Variants in PBLD observed in about 807,000 individuals in gnomAD.
PBLD encodes the protein phenazine biosynthesis like protein domain containing.
A neutral mutation model predicts 31.3 loss-of-function variants in PBLD; 26 were observed. The ratio of observed to expected loss-of-function variants is 0.83; its 90% CI spans 0.61 to 1.15. The LOEUF (loss-of-function observed/expected upper bound fraction) is 1.15. Ranked by LOEUF, PBLD falls within the 50% of genes most tolerant of loss-of-function variation. The probability of loss-of-function intolerance (pLI) is 0.00; values close to 1 mark genes in which losing one functional copy is unlikely to be tolerated. For synonymous variants in PBLD, 114 were observed against 129.0 expected, an observed-to-expected ratio of 0.88 and a Z score of 0.79; for missense variants, 307 against 351.7, an observed-to-expected ratio of 0.87 and a Z score of 1.02.
intron 2 of PBLD, among the ~76,000 whole-genome samples, chr10:68,300,379 G>A (rs958793659): frequency 6.6e-6 from 1 of 152,184 alleles, no homozygotes; most frequent in African/African-American, 2.4e-5. Flanking sequence ...CCTGTAACAT[G>A]CTACAGACAG....
chr10:68,304,230 T>C (rs1450266782), intron 2 of PBLD, among the ~76,000 whole-genome samples: 1 of 152,210 alleles, frequency 6.6e-6, no homozygotes, highest in African/African-American at 2.4e-5. Context: ...GGAAAAGTGC[T>C]ATCTTCGCCT....
rs375720476 is a variant in PBLD, at chr10:68,288,658, C to A, written c.516G>T (p.Ser172=). The change falls in exon 8 of 10, where the codon TCG becomes TCT. Residue 172 remains serine, a synonymous_variant. Transcript: ENST00000358769. ...TGTTCACTTTCAGGTTCTCCAGAAA[C>A]GACCTTGTTCATAAACAAGATGGAT... The part of the protein sequence containing the change: ...LVRLSDVYNR[S]FLENLKVNTE... 6.2e-7 allele frequency: 1 copy of A among 1,613,570 alleles called. No individual in the cohort carries two copies. Among genetic ancestry groups the A allele is most frequent in the East Asian group, 2.2e-5 (1 of 44,888 alleles).
intron 1 of PBLD, among the ~76,000 whole-genome samples, chr10:68,327,611 T>C (rs1455319043): frequency 6.7e-6 from 1 of 148,166 alleles, no homozygotes; most frequent in Non-Finnish European, 1.5e-5. Context: ...GAGCCAGAGG[T>C]TGCAGGGAAC....
chr10:68,302,668 C>T (rs1046501753), intron 2 of PBLD, among the ~76,000 whole-genome samples: 56 of 151,974 alleles, frequency 3.7e-4, no homozygotes, highest in African/African-American at 1.3e-3. Context: ...CATAGCAAGA[C>T]CCTGTCTCTA....
At chr10:68,319,099 GAAAGAAAGA>G in intron 1 of PBLD, among the ~76,000 whole-genome samples, 1 of 125,324 alleles carries the variant, frequency 8.0e-6, no homozygotes, top group African/African-American at 3.4e-5. Flanking sequence ...AAGAAAGAAA[GAAAGAAAGA>G]AAGGAAAAAG....
rs560033985 is a variant in PBLD at position 68,316,962 on chromosome 10, G to A, written c.-59-10059C>T. Reference sequence around the variant, plus strand: ...CCGGAGATGGAGGTTGCAGTGAGCTGAGATCATGCCACTGCACTCCAGCTT... The same window carrying A: ...CCGGAGATGGAGGTTGCAGTGAGCTAAGATCATGCCACTGCACTCCAGCTT... On this transcript the variant is annotated intron_variant, in intron 1 of 9. Transcript: ENST00000358769. 1.2e-4 allele frequency among the ~76,000 whole-genome samples: 19 copies of A among 152,284 alleles called. 1 individual carries two copies. In the East Asian group the frequency reaches 3.5e-3, roughly 28 times the overall value.
In PBLD at chr10:68,332,863, T is replaced by C. The variant is rs2045267434; in HGVS notation, c.-139A>G. On this transcript the variant is annotated 5_prime_UTR_variant, in exon 1 of 10. Coordinates refer to ENST00000358769, the MANE Select transcript of PBLD (RefSeq NM_022129.4). The stretch of plus-strand genomic sequence containing the variant: ...GCTGGAGCTGGGGGAGGAAAGCCAA[T>C]GGCGACGAAGGTGCTCAACTCCCAA... The C allele has an allele frequency of 6.6e-6, 1 of 152,310 alleles. No homozygotes were observed. Among genetic ancestry groups the C allele is most frequent in the Admixed American group, 6.5e-5 (1 of 15,284 alleles). 9.4% of individuals were successfully genotyped at this position (152,310 alleles called of 1,614,324 possible). A position where few individuals can be genotyped will look rare whatever the true frequency, so the allele number is the denominator to read the frequency against.
chr10:68,311,779 C>T (rs1357957514), intron 1 of PBLD, among the ~76,000 whole-genome samples: 1 of 145,142 alleles, frequency 6.9e-6, no homozygotes, highest in Admixed American at 6.9e-5. Flanking sequence ...AAAAGAATAA[C>T]TGATAGAAAG....
chr10:68,313,164 T>C (rs1306594100), intron 1 of PBLD, among the ~76,000 whole-genome samples: 1 of 152,136 alleles, frequency 6.6e-6, no homozygotes, highest in Non-Finnish European at 1.5e-5. Context: ...ATCTGCCTGC[T>C]TTGGCCTGCC....
intron 1 of PBLD, among the ~76,000 whole-genome samples, chr10:68,324,653 C>T (rs1227507661): frequency 2.6e-5 from 4 of 150,968 alleles, no homozygotes; most frequent in Admixed American, 6.6e-5. Flanking sequence ...GGGTGTCACT[C>T]GCCCAGACTG....
At chr10:68,307,826 A>G (rs1211786527) in intron 1 of PBLD, among the ~76,000 whole-genome samples, 2 of 152,156 alleles carry the variant, frequency 1.3e-5, no homozygotes, top group Non-Finnish European at 2.9e-5. Context: ...AATGAAATGC[A>G]TGAAACATAC....
At chr10:68,318,789 G>C (rs1387396050) in intron 1 of PBLD, among the ~76,000 whole-genome samples, 1 of 151,654 alleles carries the variant, frequency 6.6e-6, no homozygotes, top group Non-Finnish European at 1.5e-5. Flanking sequence ...AAGTGAGTTG[G>C]GTGCAGTGGC....
intron 3 of PBLD, 69 bp downstream of exon 3, chr10:68,296,817 C>T (rs935193853): frequency 2.2e-6 from 3 of 1,353,110 alleles, no homozygotes; most frequent in Non-Finnish European, 3.2e-6. Flanking sequence ...TGCAGTGAGT[C>T]AAGATCATGC....
In PBLD at chr10:68,288,537, A is replaced by T. The variant is rs755891766; in HGVS notation, c.637T>A (p.Phe213Ile). ...CACGGTGCAAAATATCTTGAGTAAA[A>T]GTCAAATGCTTGGGTCTGCCCACCA... ...EPGGQTQAFD[F>I]YSRYFAPWVG... Residue 213 changes from phenylalanine (F) to isoleucine (I), a missense_variant, in exon 8 of 10, where the codon TTT becomes ATT. By Grantham distance (21) the Phe-to-Ile change is conservative. Transcript: ENST00000358769. 6.2e-6 allele frequency: 10 copies of T among 1,614,242 alleles called. No homozygotes were observed. In the Admixed American group the frequency reaches 1.5e-4, roughly 24 times the overall value.
intron 1 of PBLD, among the ~76,000 whole-genome samples, chr10:68,329,035 C>T (rs911721483): frequency 4.3e-4 from 65 of 152,278 alleles, no homozygotes; most frequent in Admixed American, 1.3e-3. Context: ...TGTGCCACCA[C>T]GCCCAGCTAA....
chr10:68,297,898 G>C (rs968154197), intron 2 of PBLD, among the ~76,000 whole-genome samples: 1 of 151,378 alleles, frequency 6.6e-6, no homozygotes, highest in Non-Finnish European at 1.5e-5. Flanking sequence ...CTTGAGTCCA[G>C]GAGTTCAAGA....
Position 68,305,591 on chromosome 10 carries a change from TA to T in PBLD, c.84+1169del, listed in dbSNP as rs2044566241. On this transcript the variant is annotated intron_variant, in intron 2 of 9. Transcript: ENST00000358769. ...CAACATAACGAAACCCCATCTCTAT[TA>T]AAAATATAAAAAATTAGTCGTGCAT... 2.6e-5 allele frequency among the ~76,000 whole-genome samples: 4 copies of T among 152,092 alleles called. No individual in the cohort carries two copies. The South Asian group carries it at 8.3e-4, about 32-fold the overall frequency.
At chr10:68,297,069 G>T in intron 2 of PBLD, 84 bp from the exon 3 acceptor site, 1 of 1,050,634 alleles carries the variant, frequency 9.5e-7, no homozygotes, top group Non-Finnish European at 1.5e-6. Flanking sequence ...AACTTAAAAA[G>T]CAGTTTAGCA....
Position 68,288,658 on chromosome 10 carries a change from C to T in PBLD, c.516G>A (p.Ser172=), listed in dbSNP as rs375720476. The change falls in exon 8 of 10, where the codon TCG becomes TCA. Residue 172 remains serine, a synonymous_variant. Transcript: ENST00000358769. ...LVRLSDVYNR[S]FLENLKVNTE... The stretch of plus-strand genomic sequence containing the variant: ...TGTTCACTTTCAGGTTCTCCAGAAA[C>T]GACCTTGTTCATAAACAAGATGGAT... The T allele has an allele frequency of 6.3e-5, 102 of 1,613,452 alleles. No homozygotes were observed. Among genetic ancestry groups the T allele is most frequent in the African/African-American group, 1.5e-4 (11 of 74,892 alleles).
Sources: allele counts gnomAD v4.1 joint callset (sites outside exome capture counted in the v4.1 genomes callset), GRCh38; gene constraint gnomAD v4.1.1; transcripts MANE v1.5; gene names NCBI Gene and HGNC (gene_info 2026-07-23, HGNC 2026-07-21).